PIK3R3: variants seen among roughly 807,000 people sequenced by gnomAD.
PIK3R3 encodes the protein phosphatidylinositol 3-kinase regulatory subunit gamma.
A neutral mutation model predicts 62.9 loss-of-function variants in PIK3R3; 64 were observed. The ratio of observed to expected loss-of-function variants is 1.02; its 90% CI spans 0.83 to 1.25. The LOEUF is 1.25. Among genes scored for constraint, PIK3R3 ranks in the 50% most tolerant of loss-of-function variants. The pLI is 0.00. For synonymous variants in PIK3R3, 165 were observed against 189.0 expected (o/e 0.87, Z 1.04); for missense variants, 614 against 561.6 (o/e 1.09, Z -0.94).
the PIK3R3 span, among the ~76,000 whole-genome samples, chr1:46,171,324 C>T: frequency 1.3e-5 from 2 of 152,220 alleles, no homozygotes; most frequent in African/African-American, 4.8e-5. Flanking sequence ...TTCCACCCAG[C>T]TTCCTGTCCT....
chr1:46,057,808 A>G (rs1648073147), intron 6 of PIK3R3, among the ~76,000 whole-genome samples: 1 of 152,248 alleles, frequency 6.6e-6, no homozygotes, highest in Non-Finnish European at 1.5e-5. Flanking sequence ...GAAACAGCAT[A>G]AAAGTTTGAA....
intron 1 of PIK3R3, among the ~76,000 whole-genome samples, chr1:46,125,458 T>C (rs1655011437): frequency 6.6e-6 from 1 of 152,116 alleles, no homozygotes; most frequent in Non-Finnish European, 1.5e-5. Flanking sequence ...TTCAACCACA[T>C]AAGGCTGCTT....
chr1:46,153,197 C>T, the PIK3R3 span, among the ~76,000 whole-genome samples: 1 of 152,236 alleles, frequency 6.6e-6, no homozygotes, highest in East Asian at 1.9e-4. Flanking sequence ...ATATCCTCAG[C>T]CTCATTTGCC....
At chr1:46,065,735 GA>G (rs1648926141) in intron 5 of PIK3R3, among the ~76,000 whole-genome samples, 1 of 152,218 alleles carries the variant, frequency 6.6e-6, no homozygotes, top group Non-Finnish European at 1.5e-5. Context: ...CATCAAGACA[GA>G]AAATGTCTAT....
intron 6 of PIK3R3, chr1:46,056,362 T>G (rs1557561075): frequency 1.3e-5 from 2 of 157,784 alleles, no homozygotes; most frequent in African/African-American, 4.8e-5. Flanking sequence ...GGTCCTAATA[T>G]CTTAAGCGTG....
At chr1:46,167,338 G>A in the PIK3R3 span, among the ~76,000 whole-genome samples, 1 of 152,234 alleles carries the variant, frequency 6.6e-6, no homozygotes, top group African/African-American at 2.4e-5. Context: ...GGGTGTGGGG[G>A]GATGGGAAAT....
chr1:46,122,880 C>T (rs891134466), intron 1 of PIK3R3, among the ~76,000 whole-genome samples: 1 of 151,926 alleles, frequency 6.6e-6, no homozygotes, highest in Non-Finnish European at 1.5e-5. Flanking sequence ...CTAGTTGGAT[C>T]CATGGGCCTA....
intron 1 of PIK3R3, among the ~76,000 whole-genome samples, chr1:46,114,039 CA>C (rs1454145955): frequency 6.6e-6 from 1 of 152,176 alleles, no homozygotes; most frequent in Non-Finnish European, 1.5e-5. Flanking sequence ...TTCTTGAGGA[CA>C]GGGATTATGT....
intron 1 of PIK3R3, among the ~76,000 whole-genome samples, chr1:46,116,175 C>T (rs1023285079): frequency 6.6e-6 from 1 of 151,904 alleles, no homozygotes; most frequent in Non-Finnish European, 1.5e-5. Flanking sequence ...CTGAATGGGA[C>T]GCTATGGAGA....
At chr1:46,146,048 A>T in the PIK3R3 span, among the ~76,000 whole-genome samples, 25 of 152,330 alleles carry the variant, frequency 1.6e-4, no homozygotes, top group African/African-American at 5.8e-4. Flanking sequence ...CCCTCTAGAC[A>T]TGGGGCCCAG....
At chr1:46,170,686 G>C in the PIK3R3 span, among the ~76,000 whole-genome samples, 1 of 152,240 alleles carries the variant, frequency 6.6e-6, no homozygotes, top group Non-Finnish European at 1.5e-5. Context: ...CTCCCAAAGT[G>C]CTGGGATTAC....
chr1:46,138,897 T>TA, the PIK3R3 span: 1 of 152,270 alleles, frequency 6.6e-6, no homozygotes, highest in African/African-American at 2.4e-5. Context: ...CTGCTCATCT[T>TA]ACACTTCTTG....
At chr1:46,063,203 CTG>C in intron 5 of PIK3R3, among the ~76,000 whole-genome samples, 1 of 152,222 alleles carries the variant, frequency 6.6e-6, no homozygotes, top group Middle Eastern at 3.4e-3. Flanking sequence ...TCTTAAAGAA[CTG>C]AGATAGAGGA....
intron 7 of PIK3R3, among the ~76,000 whole-genome samples, chr1:46,051,570 T>C (rs975764739): frequency 2.0e-5 from 3 of 152,068 alleles, no homozygotes; most frequent in African/African-American, 2.4e-5. Flanking sequence ...CACATAGAAC[T>C]AACTCCTTTA....
At chr1:46,080,600 T>G (rs747028271) in intron 2 of PIK3R3, 42 bp downstream of exon 2, 2 of 1,351,986 alleles carry the variant, frequency 1.5e-6, no homozygotes, top group Non-Finnish European at 2.1e-6. Context: ...CAAAAATGAC[T>G]TTTTAAAAAA....
At chr1:46,086,747 G>C (rs751833461) in intron 1 of PIK3R3, among the ~76,000 whole-genome samples, 4 of 152,140 alleles carry the variant, frequency 2.6e-5, no homozygotes, top group Non-Finnish European at 5.9e-5. Context: ...GAAAGGCCAG[G>C]AACTGGAAGC....
In PIK3R3 at chr1:46,090,907, A is replaced by T. The variant is rs947421299; in HGVS notation, c.107-10157T>A. On this transcript the variant is annotated intron_variant, in intron 1 of 9. Transcript: ENST00000262741. ...GAAATCAGCAAATACTACAAATCAG[A>T]GCTTGATTTATTGTGGTATTGATGA... 3.9e-5 allele frequency among the ~76,000 whole-genome samples: 6 copies of T among 152,280 alleles called. No individual in the cohort carries two copies. In the East Asian group the frequency reaches 1.2e-3, roughly 29 times the overall value.
chr1:46,046,427 G>C, intron 8 of PIK3R3, 124 bp downstream of exon 8: 2 of 716,262 alleles, frequency 2.8e-6, no homozygotes, highest in South Asian at 3.5e-5. Flanking sequence ...TCAAAAGATA[G>C]TCAAAGTTCT....
At chr1:46,114,515 T>C (rs1030109831) in intron 1 of PIK3R3, among the ~76,000 whole-genome samples, 1 of 152,170 alleles carries the variant, frequency 6.6e-6, no homozygotes, top group Non-Finnish European at 1.5e-5. Context: ...CAGTAACATC[T>C]GGGAACGTGT....
Sources: allele counts gnomAD v4.1 joint callset (sites outside exome capture counted in the v4.1 genomes callset), GRCh38; gene constraint gnomAD v4.1.1; transcripts MANE v1.5; gene names NCBI Gene and HGNC (gene_info 2026-07-23, HGNC 2026-07-21).